The following MYO16 variants were observed in gnomAD, a reference collection of about 807,000 sequenced individuals.
The protein encoded by MYO16 is myosin XVI, also known as unconventional myosin-XVI.
In MYO16, 94 loss-of-function variants were observed where a neutral mutation model predicts 205.3. That is an observed-to-expected ratio of 0.46 (90% CI 0.39 to 0.54). The LOEUF is 0.54. Ranked by LOEUF, MYO16 falls within the 20% of genes least tolerant of loss-of-function variation. The pLI, the probability that MYO16 is intolerant of heterozygous loss-of-function variation, is 0.00. For synonymous variants in MYO16, 988 were observed against 954.0 expected (o/e 1.04, Z -0.66); for missense variants, 2,315 against 2,387.5 (o/e 0.97, Z 0.63).
chr13:108,906,201 G>A (rs537225843), intron 15 of MYO16, among the ~76,000 whole-genome samples: 1 of 152,244 alleles, frequency 6.6e-6, no homozygotes, highest in East Asian at 1.9e-4. Context: ...CCAGAAATAA[G>A]TGGGAGGAAC....
intron 1 of MYO16, among the ~76,000 whole-genome samples, chr13:108,614,837 T>G (rs1879295270): frequency 9.3e-6 from 1 of 108,100 alleles, no homozygotes; most frequent in Admixed American, 9.2e-5. Flanking sequence ...ACCATGGAAC[T>G]AAATGCAGTG....
At chr13:108,737,152 T>C (rs985068900) in intron 4 of MYO16, among the ~76,000 whole-genome samples, 1 of 152,218 alleles carries the variant, frequency 6.6e-6, no homozygotes, top group Non-Finnish European at 1.5e-5. Flanking sequence ...CTGATTGCCC[T>C]GGACAGAACT....
Position 109,141,414 on chromosome 13 carries a change from G to C in MYO16, c.5164+38G>C, listed in dbSNP as rs1397892635. ...GACATCCCCCCACTCCTTTTGCATG[G>C]ACGCTGTGCTTGCGTGCACCTGTGT... On this transcript the variant is annotated intron_variant, in intron 32 of 34. Transcript: ENST00000457511. The surrounding 1 kb of genome is among the most constrained non-coding windows in gnomAD (Gnocchi z 4.1). 4.6e-6 allele frequency: 6 copies of C among 1,310,010 alleles called. No individual in the cohort carries two copies. In the African/African-American group the frequency reaches 6.1e-5, roughly 13 times the overall value. 81.1% of individuals were successfully genotyped at this position (1,310,010 alleles called of 1,614,324 possible). A position where few individuals can be genotyped will look rare whatever the true frequency, so the allele number is the denominator to read the frequency against.
intron 22 of MYO16, among the ~76,000 whole-genome samples, chr13:109,009,954 C>T (rs1885535809): frequency 6.6e-6 from 1 of 152,096 alleles, no homozygotes; most frequent in Admixed American, 6.5e-5. Flanking sequence ...TAATTGTATA[C>T]GGGACGCCTC....
Position 108,598,090 on chromosome 13 carries a change from T to G in MYO16, c.-39+1851T>G, listed in dbSNP as rs143935607. On this transcript the variant is annotated intron_variant, in intron 1 of 24. Transcript: ENST00000251041. ...TCACCAGCACCTTGGAGATAGCCGC[T>G]TTAGTGAGACATGTGGGAAAGGGGG... Among the ~76,000 whole-genome samples, 503 of 152,290 alleles carry G rather than the reference T, an allele frequency of 3.3e-3. 3 individuals are homozygous for G. The highest frequency in any genetic ancestry group is 0.011 in the African/African-American group (466 of 41,572).
chr13:108,769,656 C>T (rs1234166378), intron 4 of MYO16, among the ~76,000 whole-genome samples: 5 of 152,044 alleles, frequency 3.3e-5, no homozygotes, highest in Admixed American at 6.6e-5. Flanking sequence ...TGAGCAAGAC[C>T]GGGTGGTTCT....
rs1047529934 is a variant in MYO16, at chr13:109,162,191, T to C, written c.5165-2710T>C. On this transcript the variant is annotated intron_variant, in intron 32 of 34. Transcript: ENST00000457511. The surrounding 1 kb of genome is among the most constrained non-coding windows in gnomAD (Gnocchi z 4.6). ...TAATTGCAAAAATGAGAATTTTGGC[T>C]GCAATTTAAATACATCAGTTGATGA... Among the ~76,000 whole-genome samples the C allele has an allele frequency of 1.3e-5, 2 of 152,212 alleles. No homozygotes were observed. Among genetic ancestry groups the C allele is most frequent in the African/African-American group, 4.8e-5 (2 of 41,444 alleles).
chr13:108,709,093 A>G (rs970844289), intron 2 of MYO16, among the ~76,000 whole-genome samples: 2 of 151,710 alleles, frequency 1.3e-5, no homozygotes, highest in African/African-American at 2.4e-5. Context: ...AAGCGGCAAC[A>G]CTATAAAAGG....
At chr13:108,750,542 G>A (rs1209254493) in intron 4 of MYO16, among the ~76,000 whole-genome samples, 2 of 151,610 alleles carry the variant, frequency 1.3e-5, no homozygotes, top group Non-Finnish European at 2.9e-5. Flanking sequence ...GCCGAGGTGG[G>A]CTGATCAGTT....
At chr13:108,755,463 T>A (rs1440422215) in intron 4 of MYO16, among the ~76,000 whole-genome samples, 1 of 151,516 alleles carries the variant, frequency 6.6e-6, no homozygotes, top group Non-Finnish European at 1.5e-5. Context: ...TATTTTTGAG[T>A]AAGAAAACAC....
intron 20 of MYO16, among the ~76,000 whole-genome samples, chr13:108,970,562 G>A (rs1032049808): frequency 1.3e-5 from 2 of 152,134 alleles, no homozygotes; most frequent in Admixed American, 6.5e-5. Flanking sequence ...CTGGGCTGCC[G>A]CACCCCAGTG....
chr13:108,526,775 T>C, the MYO16 span, among the ~76,000 whole-genome samples: 2 of 152,334 alleles, frequency 1.3e-5, no homozygotes, highest in East Asian at 3.9e-4. Flanking sequence ...CCTGTGAATA[T>C]TCTGTTATTT....
chr13:108,834,004 C>G (rs380588), intron 9 of MYO16, among the ~76,000 whole-genome samples: 93,645 of 151,846 alleles, frequency 0.62, 29,724 homozygotes, highest in Middle Eastern at 0.73. Flanking sequence ...ATCAGAATAA[C>G]AATTTCTTGT....
chr13:109,053,863 T>G (rs1887329431), intron 25 of MYO16, among the ~76,000 whole-genome samples: 2 of 152,124 alleles, frequency 1.3e-5, no homozygotes, highest in Non-Finnish European at 2.9e-5. Context: ...CGGGTTGATC[T>G]TGGCCCAATC....
intron 16 of MYO16, among the ~76,000 whole-genome samples, chr13:108,948,587 TC>T (rs1375059815): frequency 6.6e-6 from 1 of 152,236 alleles, no homozygotes; most frequent in Non-Finnish European, 1.5e-5. Flanking sequence ...CCTTTGAAGT[TC>T]CATGGGGATG....
At chr13:108,549,938 T>C in the MYO16 span, among the ~76,000 whole-genome samples, 49,351 of 152,188 alleles carry the variant, frequency 0.32, 9,297 homozygotes, top group Non-Finnish European at 0.41. Context: ...GTGCAGACTT[T>C]CTGGCCCCTG....
intron 20 of MYO16, among the ~76,000 whole-genome samples, chr13:108,969,099 CT>C (rs933237604): frequency 2.0e-5 from 3 of 152,124 alleles, no homozygotes; most frequent in Non-Finnish European, 2.9e-5. Context: ...TGAGTTGGAT[CT>C]TTTTTTGTTG....
At chr13:108,549,423 T>C in the MYO16 span, among the ~76,000 whole-genome samples, 5 of 152,092 alleles carry the variant, frequency 3.3e-5, no homozygotes, top group Non-Finnish European at 7.4e-5. Flanking sequence ...CTGTATTTTT[T>C]TTTTTTCCAG....
At chr13:108,539,231 A>G in the MYO16 span, among the ~76,000 whole-genome samples, 1 of 152,110 alleles carries the variant, frequency 6.6e-6, no homozygotes, top group Non-Finnish European at 1.5e-5. Flanking sequence ...TAATAATTTA[A>G]TGCTCAGACA....
Sources: gnomAD v4.1 joint callset for allele counts (sites outside exome capture counted in the v4.1 genomes callset) on GRCh38, gnomAD v4.1.1 for gene constraint, Gnocchi (gnomAD v3.1) non-coding constraint, MANE v1.5 for transcripts, NCBI Gene and HGNC (gene_info 2026-07-23, HGNC 2026-07-21) for gene names.